The following DLGAP2 variants were observed in gnomAD, a reference collection of about 807,000 sequenced individuals.
The protein encoded by DLGAP2 is disks large-associated protein 2.
Under a neutral mutation model 100.3 loss-of-function variants are expected in DLGAP2, and 26 were observed. The observed-to-expected ratio is 0.26, with a 90% CI of 0.19 to 0.36. The LOEUF is 0.36. DLGAP2 is among the 10% of genes least tolerant of loss of function. The pLI is 1.00. For missense variants in DLGAP2, 1,858 were observed against 1,453.2 expected, an observed-to-expected ratio of 1.28 and a Z score of -4.53; for synonymous variants, 886 against 630.1, an observed-to-expected ratio of 1.41 and a Z score of -6.08.
Position 1,355,706 on chromosome 8 carries a change from T to C in DLGAP2, c.106+96823T>C, listed in dbSNP as rs1006352756. On this transcript the variant is annotated intron_variant, in intron 3 of 14. Coordinates refer to ENST00000637795, the MANE Select transcript of DLGAP2 (RefSeq NM_001346810.2). ...ATGAAAAAATAAAACAAATGCTTGA[T>C]TGACTGGTAGCCACAGAGCTCTGAA... is the stretch of plus-strand genomic sequence containing the variant. Among the ~76,000 whole-genome samples, 5 of 152,084 alleles carry C rather than the reference T, an allele frequency of 3.3e-5. No individual in the cohort carries two copies. The East Asian group carries it at 7.7e-4, about 24-fold the overall frequency.
intron 1 of DLGAP2, among the ~76,000 whole-genome samples, chr8:839,198 A>G (rs557121854): frequency 6.2e-4 from 94 of 152,316 alleles, no homozygotes; most frequent in African/African-American, 2.1e-3. Flanking sequence ...AAATAGAAAT[A>G]GAACTACCAT....
intron 2 of DLGAP2, among the ~76,000 whole-genome samples, chr8:1,078,745 T>C (rs1178199956): frequency 1.3e-5 from 2 of 152,254 alleles, no homozygotes; most frequent in Non-Finnish European, 2.9e-5. Context: ...ATAACTCATT[T>C]CTTTTTAGCC....
chr8:1,094,285 TA>T, intron 2 of DLGAP2, among the ~76,000 whole-genome samples: 1 of 152,240 alleles, frequency 6.6e-6, no homozygotes, highest in Non-Finnish European at 1.5e-5. Flanking sequence ...CTGAATATTT[TA>T]AGGCATTTTA....
rs890307058 is a variant in DLGAP2 at position 1,650,145 on chromosome 8, G to A, written c.1810+17099G>A. Among the ~76,000 whole-genome samples, 6 of 152,226 alleles carry A rather than the reference G, an allele frequency of 3.9e-5. No individual in the cohort carries two copies. The East Asian group carries it at 7.7e-4, about 20-fold the overall frequency. On this transcript the variant is annotated intron_variant, in intron 8 of 14. Transcript: ENST00000637795. The stretch of plus-strand genomic sequence containing the variant: ...TGTATCCATTTATTGGTTTACAGCA[G>A]GTCATTACTTTATAACCATTTCGAT...
chr8:1,070,467 C>G (rs1417709532), intron 2 of DLGAP2, among the ~76,000 whole-genome samples: 1 of 152,158 alleles, frequency 6.6e-6, no homozygotes, highest in Non-Finnish European at 1.5e-5. Flanking sequence ...CATCAACATA[C>G]AACCCCAAAA....
chr8:1,455,182 C>G (rs568629638), intron 3 of DLGAP2, among the ~76,000 whole-genome samples: 2 of 152,368 alleles, frequency 1.3e-5, no homozygotes, highest in African/African-American at 2.4e-5. Flanking sequence ...GAGGGAGATG[C>G]TGGCATCAAG....
chr8:1,141,863 T>C (rs1413895281), intron 2 of DLGAP2, among the ~76,000 whole-genome samples: 4 of 152,210 alleles, frequency 2.6e-5, no homozygotes. Context: ...AGATGCTTTC[T>C]TTGTTTCTCT....
At chr8:1,363,373 C>T (rs558304082) in intron 3 of DLGAP2, among the ~76,000 whole-genome samples, 11 of 152,302 alleles carry the variant, frequency 7.2e-5, no homozygotes, top group South Asian at 6.2e-4. Flanking sequence ...GTCCCACGTC[C>T]GTGGCACACC....
chr8:969,393 G>A (rs986318173), intron 2 of DLGAP2, among the ~76,000 whole-genome samples: 3 of 152,002 alleles, frequency 2.0e-5, no homozygotes, highest in African/African-American at 4.8e-5. Context: ...CTCTCTACAC[G>A]TGCACAGCCT....
chr8:1,047,756 C>G (rs966076288), intron 2 of DLGAP2, among the ~76,000 whole-genome samples: 2 of 152,076 alleles, frequency 1.3e-5, no homozygotes, highest in African/African-American at 4.8e-5. Context: ...GAGGGATCAG[C>G]CTTCATGCCC....
intron 2 of DLGAP2, among the ~76,000 whole-genome samples, chr8:1,226,059 A>G (rs1313644845): frequency 6.6e-6 from 1 of 152,180 alleles, no homozygotes; most frequent in Non-Finnish European, 1.5e-5. Context: ...TTGCTGAGTC[A>G]TATATCTAAT....
intron 3 of DLGAP2, among the ~76,000 whole-genome samples, chr8:1,374,216 G>C (rs1260878690): frequency 6.6e-6 from 1 of 152,034 alleles, no homozygotes; most frequent in East Asian, 1.9e-4. Context: ...AGAAGGCTGT[G>C]GTGGAGGGTA....
At chr8:1,128,149 G>A (rs540683315) in intron 2 of DLGAP2, among the ~76,000 whole-genome samples, 1 of 152,066 alleles carries the variant, frequency 6.6e-6, no homozygotes, top group South Asian at 2.1e-4. Flanking sequence ...GTTCGGTGAG[G>A]ACCTGCTCCC....
intron 2 of DLGAP2, among the ~76,000 whole-genome samples, chr8:1,000,174 A>T (rs538859873): frequency 6.0e-5 from 9 of 150,736 alleles, no homozygotes; most frequent in African/African-American, 2.0e-4. Flanking sequence ...GAGCAGACAG[A>T]TCCGGGTGGA....
At chr8:1,636,796 A>T (rs1227619979) in intron 8 of DLGAP2, among the ~76,000 whole-genome samples, 1 of 152,272 alleles carries the variant, frequency 6.6e-6, no homozygotes, top group Non-Finnish European at 1.5e-5. Flanking sequence ...CAAGATGGTG[A>T]GAACATATTT....
chr8:822,573 C>T (rs1012700755), intron 1 of DLGAP2, among the ~76,000 whole-genome samples: 1 of 152,196 alleles, frequency 6.6e-6, no homozygotes, highest in Non-Finnish European at 1.5e-5. Flanking sequence ...CACGTCACTG[C>T]GTGTGCTCCG....
intron 6 of DLGAP2, among the ~76,000 whole-genome samples, chr8:1,607,122 A>G (rs898607663): frequency 7.2e-5 from 11 of 152,226 alleles, no homozygotes; most frequent in Non-Finnish European, 1.5e-4. Context: ...TGGCTGTACT[A>G]CATATAATAT....
intron 3 of DLGAP2, among the ~76,000 whole-genome samples, chr8:1,389,456 C>T (rs1796296311): frequency 6.6e-6 from 1 of 152,082 alleles, no homozygotes; most frequent in Non-Finnish European, 1.5e-5. Flanking sequence ...GCTGAGGGTA[C>T]TCAGAGCTGG....
chr8:1,253,065 CA>C (rs1276947144), intron 2 of DLGAP2, among the ~76,000 whole-genome samples: 1 of 152,194 alleles, frequency 6.6e-6, no homozygotes, highest in African/African-American at 2.4e-5. Flanking sequence ...CGGCCCACGG[CA>C]AATGCCGCCC....
Sources: gnomAD v4.1 joint callset for allele counts (sites outside exome capture counted in the v4.1 genomes callset) on GRCh38, gnomAD v4.1.1 for gene constraint, MANE v1.5 for transcripts, NCBI Gene and HGNC (gene_info 2026-07-23, HGNC 2026-07-21) for gene names.